The following LDLRAD4 variants were observed in gnomAD, a reference collection of about 807,000 sequenced individuals.
The protein encoded by LDLRAD4 is low density lipoprotein receptor class A domain containing 4, also known as low-density lipoprotein receptor class A domain-containing protein 4.
LDLRAD4 carries 5 observed loss-of-function variants against 17.0 expected under a neutral mutation model. The observed-to-expected ratio is 0.29, with a 90% CI of 0.15 to 0.62. The LOEUF is 0.62. LDLRAD4 is among the 20% of genes least tolerant of loss of function. LDLRAD4 has a pLI of 0.84. For missense variants in LDLRAD4, 340 were observed against 424.7 expected (o/e 0.80, Z 1.75); for synonymous variants, 168 against 171.8 (o/e 0.98, Z 0.17).
intron 4 of LDLRAD4, among the ~76,000 whole-genome samples, chr18:13,635,389 A>G (rs2041990545): frequency 6.6e-6 from 1 of 152,150 alleles, no homozygotes; most frequent in East Asian, 1.9e-4. Flanking sequence ...TCCACCTCCA[A>G]ATACCATAAC....
At chr18:13,305,184 TA>T (rs2046838808) in intron 1 of LDLRAD4, among the ~76,000 whole-genome samples, 1 of 152,224 alleles carries the variant, frequency 6.6e-6, no homozygotes. Context: ...TTTATTACTG[TA>T]AAATATATGC....
At chr18:13,464,098 A>G (rs2092536390) in intron 3 of LDLRAD4, among the ~76,000 whole-genome samples, 2 of 152,218 alleles carry the variant, frequency 1.3e-5, no homozygotes, top group African/African-American at 4.8e-5. Context: ...AATATGAATG[A>G]GCTATTTACT....
intron 3 of LDLRAD4, among the ~76,000 whole-genome samples, chr18:13,586,724 A>G (rs2094940397): frequency 2.6e-5 from 4 of 152,046 alleles, no homozygotes; most frequent in South Asian, 2.1e-4. Context: ...TCCCGTCTCT[A>G]CAAAAATACA....
chr18:13,427,271 A>G (rs1032335653), intron 2 of LDLRAD4: 1 of 152,594 alleles, frequency 6.6e-6, no homozygotes, highest in Admixed American at 6.5e-5. Flanking sequence ...GACGTTTTCA[A>G]ATTTCATAAA....
chr18:13,611,577 C>T, intron 3 of LDLRAD4: 1 of 985,348 alleles, frequency 1.0e-6, no homozygotes, highest in Non-Finnish European at 1.2e-6. Flanking sequence ...CAGGAGAAAG[C>T]GCCCTCCTGA....
intron 1 of LDLRAD4, 68 bp from the exon 3 acceptor site, chr18:13,387,273 G>A (rs190626936): frequency 4.3e-4 from 69 of 158,848 alleles, no homozygotes; most frequent in South Asian, 2.3e-3. Context: ...TTTCCTTTCT[G>A]TCCTGTGTAA....
At chr18:13,297,800 A>C (rs1449173254) in intron 1 of LDLRAD4, among the ~76,000 whole-genome samples, 1 of 152,190 alleles carries the variant, frequency 6.6e-6, no homozygotes, top group East Asian at 1.9e-4. Context: ...ACCGTCTCTA[A>C]AACAAAAAAT....
chr18:13,320,340 T>C (rs1429679755), intron 1 of LDLRAD4, among the ~76,000 whole-genome samples: 1 of 152,246 alleles, frequency 6.6e-6, no homozygotes, highest in African/African-American at 2.4e-5. Context: ...TCTTTATTTT[T>C]ACGTTTCCGC....
At chr18:13,615,570 ACTT>A (rs993310711) in intron 3 of LDLRAD4, 21 of 152,334 alleles carry the variant, frequency 1.4e-4, no homozygotes, top group African/African-American at 4.8e-4. Context: ...ACTTCACACC[ACTT>A]CTTCTGTTCC....
chr18:13,616,815 C>G (rs1419226818), intron 3 of LDLRAD4, among the ~76,000 whole-genome samples: 1 of 152,328 alleles, frequency 6.6e-6, no homozygotes, highest in South Asian at 2.1e-4. Context: ...CGGGGCCACT[C>G]GATTCGGTTT....
intron 1 of LDLRAD4, among the ~76,000 whole-genome samples, chr18:13,296,735 T>G (rs145324731): frequency 2.0e-5 from 3 of 152,272 alleles, no homozygotes; most frequent in East Asian, 3.9e-4. Context: ...ACAAGAAAAT[T>G]TAGCAACAAA....
intron 2 of LDLRAD4, among the ~76,000 whole-genome samples, chr18:13,396,324 C>T (rs1347538668): frequency 1.3e-5 from 2 of 152,172 alleles, no homozygotes; most frequent in Non-Finnish European, 2.9e-5. Flanking sequence ...GCCTTGCTGT[C>T]CTTTGTGGAT....
chr18:13,334,046 G>C (rs1028205715), intron 1 of LDLRAD4, among the ~76,000 whole-genome samples: 8 of 152,090 alleles, frequency 5.3e-5, no homozygotes, highest in Non-Finnish European at 7.4e-5. Context: ...TGGACCATCT[G>C]TCCATTTATG....
intron 1 of LDLRAD4, among the ~76,000 whole-genome samples, chr18:13,382,225 C>T (rs1187765068): frequency 6.6e-6 from 1 of 152,216 alleles, no homozygotes; most frequent in African/African-American, 2.4e-5. Context: ...TGGATTTTGG[C>T]CTCCGTGCCC....
At chr18:13,604,704 T>A (rs774554999) in intron 3 of LDLRAD4, among the ~76,000 whole-genome samples, 1 of 152,114 alleles carries the variant, frequency 6.6e-6, no homozygotes, top group Non-Finnish European at 1.5e-5. Flanking sequence ...TTTTCCTGAG[T>A]AACTACATCA....
intron 1 of LDLRAD4, among the ~76,000 whole-genome samples, chr18:13,302,015 T>A (rs1274539264): frequency 6.6e-6 from 1 of 152,174 alleles, no homozygotes; most frequent in Non-Finnish European, 1.5e-5. Flanking sequence ...TACGTACATA[T>A]AAATGTGATG....
intron 2 of LDLRAD4, among the ~76,000 whole-genome samples, chr18:13,413,958 C>A (rs943996873): frequency 1.3e-5 from 2 of 151,894 alleles, no homozygotes; most frequent in African/African-American, 4.8e-5. Flanking sequence ...TAAGAGAGTA[C>A]CTGCGTTTCT....
At chr18:13,492,526 C>A (rs2093380326) in intron 3 of LDLRAD4, among the ~76,000 whole-genome samples, 1 of 152,218 alleles carries the variant, frequency 6.6e-6, no homozygotes, top group Non-Finnish European at 1.5e-5. Context: ...CAAACACCTT[C>A]TTCTCCAGCC....
Position 13,609,518 on chromosome 18 carries a change from C to CGTGTGT in LDLRAD4, c.182-11593_182-11588dup, listed in dbSNP as rs755496113. 8.2e-3 allele frequency among the ~76,000 whole-genome samples: 966 copies of CGTGTGT among 117,510 alleles called. 2 individuals carry two copies. The highest frequency in any genetic ancestry group is 0.031 in the Middle Eastern group (8 of 260). 77.1% of individuals were successfully genotyped at this position (117,510 alleles called of 152,430 possible). A position where few individuals can be genotyped will look rare whatever the true frequency, so the allele number is the denominator to read the frequency against. ...GACACCCACAGGAGCGCTCATTATGCGTGTGTGTGTGCGTGTGTGTGTGTG... is the reference window on the plus strand; with the variant it reads ...GACACCCACAGGAGCGCTCATTATGCGTGTGTGTGTGTGTGTGCGTGTGTGTGTGTG... On this transcript the variant is annotated intron_variant, in intron 3 of 5. Transcript: ENST00000359446.
Sources: allele counts gnomAD v4.1 joint callset (sites outside exome capture counted in the v4.1 genomes callset), GRCh38; gene constraint gnomAD v4.1.1; transcripts MANE v1.5; gene names NCBI Gene and HGNC (gene_info 2026-07-23, HGNC 2026-07-21).